NBAS: variants seen among roughly 807,000 people sequenced by gnomAD.
NBAS encodes the protein NBAS subunit of NRZ tethering complex.
Under a neutral mutation model 302.5 loss-of-function variants are expected in NBAS, and 219 were observed. The ratio of observed to expected loss-of-function variants is 0.72; its 90% CI spans 0.65 to 0.81. NBAS has a LOEUF of 0.81. Ranked by LOEUF, NBAS falls within the 30% of genes least tolerant of loss-of-function variation. The pLI, the probability that NBAS is intolerant of heterozygous loss-of-function variation, is 0.00. For synonymous variants in NBAS, 1,118 were observed against 1,021.6 expected (o/e 1.09, Z -1.80); for missense variants, 2,932 against 2,841.6 (o/e 1.03, Z -0.72).
At chr2:15,194,260 A>G (rs1464155360) in intron 48 of NBAS, among the ~76,000 whole-genome samples, 1 of 152,214 alleles carries the variant, frequency 6.6e-6, no homozygotes, top group Admixed American at 6.5e-5. Flanking sequence ...AAGTTACACC[A>G]TAATTTGAAA....
the NBAS span, among the ~76,000 whole-genome samples, chr2:14,887,959 G>C: frequency 6.6e-6 from 1 of 152,098 alleles, no homozygotes; most frequent in African/African-American, 2.4e-5. Flanking sequence ...ACTGAAGTGA[G>C]AGCAACAACC....
chr2:15,511,376 T>C (rs780741892), intron 9 of NBAS, 26 bp from the exon 10 acceptor site: 2 of 1,606,590 alleles, frequency 1.2e-6, no homozygotes, highest in Non-Finnish European at 1.7e-6. Flanking sequence ...TTTTTAAAAA[T>C]CGATAAATTG....
intron 11 of NBAS, among the ~76,000 whole-genome samples, chr2:15,497,243 G>A (rs1267303551): frequency 1.3e-5 from 2 of 152,110 alleles, no homozygotes; most frequent in South Asian, 2.1e-4. Flanking sequence ...AGCCACTGAC[G>A]GCTTTCTTCA....
intron 25 of NBAS, among the ~76,000 whole-genome samples, chr2:15,406,255 G>C (rs1432976829): frequency 1.3e-5 from 2 of 152,038 alleles, no homozygotes; most frequent in Non-Finnish European, 2.9e-5. Flanking sequence ...AGAAACTCTA[G>C]AATTAAACCC....
intron 21 of NBAS, among the ~76,000 whole-genome samples, chr2:15,440,600 A>G (rs188636437): frequency 0.012 from 1,873 of 152,294 alleles, 29 homozygotes; most frequent in East Asian, 0.058. Flanking sequence ...AAAGCAGAGC[A>G]ACTCTCCTCC....
the NBAS span, among the ~76,000 whole-genome samples, chr2:14,973,064 T>C: frequency 2.2e-3 from 340 of 152,346 alleles, no homozygotes; most frequent in African/African-American, 7.9e-3. Flanking sequence ...TCTTTTCTAA[T>C]GCCCACCCAC....
At chr2:15,073,384 C>A in the NBAS span, among the ~76,000 whole-genome samples, 1 of 147,606 alleles carries the variant, frequency 6.8e-6, no homozygotes, top group African/African-American at 2.5e-5. Context: ...GAAGCTGAGG[C>A]AGAATCACTT....
intron 11 of NBAS, among the ~76,000 whole-genome samples, chr2:15,501,470 G>GAGTA (rs1224732624): frequency 6.6e-6 from 1 of 151,718 alleles, no homozygotes; most frequent in African/African-American, 2.4e-5. Flanking sequence ...ATTATTTGCT[G>GAGTA]AGTATCTGCA....
intron 40 of NBAS, among the ~76,000 whole-genome samples, chr2:15,303,631 G>A (rs1004469173): frequency 6.6e-6 from 1 of 152,180 alleles, no homozygotes; most frequent in Admixed American, 6.5e-5. Context: ...CAAAAGGTGG[G>A]ATGGAATGTA....
chr2:15,397,508 C>T (rs190108282), intron 26 of NBAS: 12 of 587,458 alleles, frequency 2.0e-5, no homozygotes, highest in Middle Eastern at 5.1e-4. Flanking sequence ...TCGGTCCTTG[C>T]AGGCTTCATG....
At chr2:15,483,091 A>T (rs1465364115) in intron 12 of NBAS, among the ~76,000 whole-genome samples, 1 of 152,124 alleles carries the variant, frequency 6.6e-6, no homozygotes, top group African/African-American at 2.4e-5. Context: ...TTATTTGCTA[A>T]TTGTTTTTAC....
chr2:14,813,319 A>G, the NBAS span, among the ~76,000 whole-genome samples: 7 of 152,148 alleles, frequency 4.6e-5, no homozygotes, highest in Non-Finnish European at 7.4e-5. Context: ...GAACTTCTTA[A>G]AGACTTTGTT....
chr2:15,552,162 C>A (rs982030349), intron 5 of NBAS, among the ~76,000 whole-genome samples: 1 of 152,142 alleles, frequency 6.6e-6, no homozygotes, highest in Non-Finnish European at 1.5e-5. Flanking sequence ...TTTGACCTAA[C>A]AATTCTATTT....
intron 11 of NBAS, among the ~76,000 whole-genome samples, chr2:15,499,347 A>G (rs958024027): frequency 2.0e-5 from 3 of 152,354 alleles, no homozygotes; most frequent in East Asian, 1.9e-4. Flanking sequence ...TAGCAAAGAC[A>G]TGGAATAAAC....
chr2:14,779,769 G>A, the NBAS span, among the ~76,000 whole-genome samples: 2 of 152,204 alleles, frequency 1.3e-5, no homozygotes, highest in Non-Finnish European at 2.9e-5. Flanking sequence ...GCTGTGACCT[G>A]AGGAAAGCAG....
chr2:15,338,802 G>A (rs933417626), intron 35 of NBAS, among the ~76,000 whole-genome samples: 9 of 151,980 alleles, frequency 5.9e-5, no homozygotes. Flanking sequence ...TTGAGGCCAG[G>A]AGTTCGAGAC....
chr2:15,445,734 G>A (rs1348005811), intron 21 of NBAS, among the ~76,000 whole-genome samples: 1 of 151,546 alleles, frequency 6.6e-6, no homozygotes. Flanking sequence ...CTTAATGTCT[G>A]TTATCCAATA....
intron 48 of NBAS, among the ~76,000 whole-genome samples, chr2:15,203,762 A>G (rs1207469216): frequency 6.6e-6 from 1 of 152,180 alleles, no homozygotes; most frequent in Non-Finnish European, 1.5e-5. Flanking sequence ...AATACCTGAA[A>G]TCAGTAATAG....
At chr2:15,032,131 CT>C in the NBAS span, among the ~76,000 whole-genome samples, 2 of 152,190 alleles carry the variant, frequency 1.3e-5, no homozygotes, top group Admixed American at 1.3e-4. Flanking sequence ...CATTACTCTT[CT>C]CCTGGACTCC....
Sources: allele counts gnomAD v4.1 joint callset (sites outside exome capture counted in the v4.1 genomes callset), GRCh38; gene constraint gnomAD v4.1.1; transcripts MANE v1.5; gene names NCBI Gene and HGNC (gene_info 2026-07-23, HGNC 2026-07-21).